The following DLGAP4 variants were observed in gnomAD, a reference collection of about 807,000 sequenced individuals.
DLGAP4 encodes the protein disks large-associated protein 4.
DLGAP4 carries 18 observed loss-of-function variants against 86.9 expected under a neutral mutation model. The ratio of observed to expected loss-of-function variants is 0.21; its 90% CI spans 0.14 to 0.31. The LOEUF is 0.31. DLGAP4 is among the 10% of genes least tolerant of loss of function. The pLI is 1.00. For synonymous variants in DLGAP4, 548 were observed against 574.3 expected, an observed-to-expected ratio of 0.95 and a Z score of 0.65; for missense variants, 1,085 against 1,362.6, an observed-to-expected ratio of 0.80 and a Z score of 3.21.
Position 36,306,678 on chromosome 20 carries a change from C to T in DLGAP4, c.-304+166C>T, listed in dbSNP as rs2065005699. 1.3e-5 allele frequency among the ~76,000 whole-genome samples: 2 copies of T among 152,122 alleles called. No homozygotes were observed. Among genetic ancestry groups the T allele is most frequent in the South Asian group, 2.1e-4 (1 of 4,832 alleles). On this transcript the variant is annotated intron_variant, in intron 1 of 12. Coordinates refer to ENST00000339266, the MANE Select transcript of DLGAP4 (RefSeq NM_001365621.2). This position sits in a 1 kb window ranked among gnomAD's most constrained non-coding sequence, Gnocchi z 4.9. ...CCCCTCCCCTGCCAGTTCTGTCTTCCGATCCCGGGTCCGAGGGGCCGGCTG... is the reference window on the plus strand; with the variant it reads ...CCCCTCCCCTGCCAGTTCTGTCTTCTGATCCCGGGTCCGAGGGGCCGGCTG...
At chr20:36,361,375 G>C (rs1281184072) in intron 1 of DLGAP4, among the ~76,000 whole-genome samples, 4 of 152,156 alleles carry the variant, frequency 2.6e-5, no homozygotes, top group African/African-American at 7.2e-5. Context: ...GCAAGGTTTG[G>C]GAGACCATTC....
At chr20:36,485,285 G>A (rs2035359534) in intron 7 of DLGAP4, among the ~76,000 whole-genome samples, 1 of 151,290 alleles carries the variant, frequency 6.6e-6, no homozygotes, top group African/African-American at 2.4e-5. Flanking sequence ...GGAGACTGAG[G>A]TGGGAGGATC....
chr20:36,386,382 G>C lies in DLGAP4; in HGVS notation c.-73+19107G>C, dbSNP rs571596492. 2.6e-5 allele frequency among the ~76,000 whole-genome samples: 4 copies of C among 151,182 alleles called. No homozygotes were observed. The South Asian group carries it at 8.4e-4, about 32-fold the overall frequency. On this transcript the variant is annotated intron_variant, in intron 2 of 12. Coordinates refer to ENST00000339266, the MANE Select transcript of DLGAP4 (RefSeq NM_001365621.2). ...AGGAAGGAAGGTAGAGAGGGAGGAG[G>C]GAAAAAAGGGAGAAAAGGAGGAAGG...
chr20:36,485,446 A>G lies in DLGAP4; in HGVS notation c.1649-11259A>G, dbSNP rs537662302. On this transcript the variant is annotated intron_variant, in intron 7 of 12. Transcript: ENST00000339266. ...TGGCAGCTCTGACAACGCTGGGCCC[A>G]GGTTTCCAACATGGCAGCTGTGAGC... Among the ~76,000 whole-genome samples, 26 of 152,162 alleles carry G rather than the reference A, an allele frequency of 1.7e-4. No individual in the cohort carries two copies. In the East Asian group the frequency reaches 4.6e-3, roughly 27 times the overall value.
chr20:36,339,723 G>T (rs1192989349), intron 1 of DLGAP4, among the ~76,000 whole-genome samples: 2 of 152,232 alleles, frequency 1.3e-5, no homozygotes, highest in African/African-American at 4.8e-5. Context: ...GCAGGGGAAT[G>T]CGGGGCACAA....
At chr20:36,510,790 C>G (rs997132471) in intron 10 of DLGAP4, 2 of 152,206 alleles carry the variant, frequency 1.3e-5, no homozygotes, top group African/African-American at 4.8e-5. Flanking sequence ...TTCCTGACCT[C>G]AAGTGATCCA....
At chr20:36,492,638 T>G (rs2035715954) in intron 7 of DLGAP4, 1 of 152,270 alleles carries the variant, frequency 6.6e-6, no homozygotes, top group Non-Finnish European at 1.5e-5. Context: ...ATGCACACTC[T>G]TCATGGACAG....
At chr20:36,461,751 G>GGGCCCCCCCCCCC in intron 7 of DLGAP4, 21 of 618,658 alleles carry the variant, frequency 3.4e-5, no homozygotes, top group Non-Finnish European at 3.8e-5. Context: ...CCGTCCGTCC[G>GGGCCCCCCCCCCC]CCCGCCCGCC....
At chr20:36,387,616 A>G (rs2031643048) in intron 2 of DLGAP4, among the ~76,000 whole-genome samples, 1 of 152,078 alleles carries the variant, frequency 6.6e-6, no homozygotes, top group Admixed American at 6.6e-5. Flanking sequence ...AAGTATTTTC[A>G]TTTTATTTCC....
At chr20:36,442,441 G>A (rs986828855) in intron 5 of DLGAP4, among the ~76,000 whole-genome samples, 4 of 152,136 alleles carry the variant, frequency 2.6e-5, no homozygotes, top group African/African-American at 9.7e-5. Context: ...TGATCCACCC[G>A]CCTCGACCTC....
chr20:36,427,174 C>A (rs908024419), intron 2 of DLGAP4, among the ~76,000 whole-genome samples: 1 of 151,716 alleles, frequency 6.6e-6, no homozygotes, highest in African/African-American at 2.4e-5. Flanking sequence ...CAGAGCGAGA[C>A]CCTGTCTCAA....
chr20:36,308,243 G>A lies in DLGAP4; in HGVS notation c.-304+1731G>A, dbSNP rs2065022864. On this transcript the variant is annotated intron_variant, in intron 1 of 12. Coordinates refer to ENST00000339266, the MANE Select transcript of DLGAP4 (RefSeq NM_001365621.2). This position sits in a 1 kb window ranked among gnomAD's most constrained non-coding sequence, Gnocchi z 4.5. ...AGTGTGCCCGTGTGTGGTGTCCATG[G>A]CGACCCCGTACTCACCTGCCAGAGG... Among the ~76,000 whole-genome samples the A allele has an allele frequency of 3.3e-5, 5 of 152,170 alleles. No homozygotes were observed. In the South Asian group the frequency reaches 1.0e-3, roughly 32 times the overall value.
chr20:36,431,591 C>A lies in DLGAP4; in HGVS notation c.-72-55C>A. 9.1e-7 allele frequency: 1 copy of A among 1,099,876 alleles called. No individual in the cohort carries two copies. The highest frequency in any genetic ancestry group is 1.3e-6 in the Non-Finnish European group (1 of 789,426). The allele number at this position is 1,099,876 out of a possible 1,614,324, so 68.1% of individuals were successfully genotyped here. On this transcript the variant is annotated intron_variant, in intron 2 of 12. Coordinates refer to ENST00000339266, the MANE Select transcript of DLGAP4 (RefSeq NM_001365621.2). This position sits in a 1 kb window ranked among gnomAD's most constrained non-coding sequence, Gnocchi z 5.1. ...CGATCTGGATCTGACCTTCCCGGCA[C>A]CCCTCCCCGACAATCCAGCTGACCA...
At chr20:36,391,547 G>C (rs1344346726) in intron 2 of DLGAP4, among the ~76,000 whole-genome samples, 1 of 152,144 alleles carries the variant, frequency 6.6e-6, no homozygotes, top group Non-Finnish European at 1.5e-5. Context: ...CTTCTCTCTT[G>C]TGCCCAACAC....
intron 1 of DLGAP4, among the ~76,000 whole-genome samples, chr20:36,346,492 G>A (rs782342781): frequency 3.3e-5 from 5 of 152,228 alleles, no homozygotes; most frequent in Non-Finnish European, 5.9e-5. Flanking sequence ...AGCTGAGATT[G>A]GCAGATGGCA....
chr20:36,415,018 C>A (rs981806009), intron 2 of DLGAP4, among the ~76,000 whole-genome samples: 5 of 152,104 alleles, frequency 3.3e-5, no homozygotes, highest in African/African-American at 7.2e-5. Context: ...GTAATACCAG[C>A]ACTTTGAGAG....
chr20:36,360,555 C>A (rs1287532364), intron 1 of DLGAP4, among the ~76,000 whole-genome samples: 1 of 152,098 alleles, frequency 6.6e-6, no homozygotes, highest in African/African-American at 2.4e-5. Context: ...GTCATAAAGT[C>A]CTGCACGTGG....
At chr20:36,410,658 G>A (rs2032473128) in intron 2 of DLGAP4, among the ~76,000 whole-genome samples, 1 of 152,018 alleles carries the variant, frequency 6.6e-6, no homozygotes, top group African/African-American at 2.4e-5. Context: ...GGATAGGGGA[G>A]GTGCCACACC....
At chr20:36,489,952 G>A (rs558361534) in intron 7 of DLGAP4, among the ~76,000 whole-genome samples, 28 of 147,962 alleles carry the variant, frequency 1.9e-4, no homozygotes, top group African/African-American at 5.8e-4. Flanking sequence ...TTTGCCTCCC[G>A]GGTTCAAGCA....
Sources: gnomAD v4.1 joint callset for allele counts (sites outside exome capture counted in the v4.1 genomes callset) on GRCh38, gnomAD v4.1.1 for gene constraint, Gnocchi (gnomAD v3.1) non-coding constraint, MANE v1.5 for transcripts, NCBI Gene and HGNC (gene_info 2026-07-23, HGNC 2026-07-21) for gene names.